The following LARGE1 variants were observed in gnomAD, a reference collection of about 807,000 sequenced individuals.
The protein encoded by LARGE1 is xylosyl- and glucuronyltransferase LARGE1.
A neutral mutation model predicts 87.6 loss-of-function variants in LARGE1; 43 were observed. That is an observed-to-expected ratio of 0.49 (90% CI 0.38 to 0.63). LARGE1 has a LOEUF of 0.63. LARGE1 is among the 30% of genes least tolerant of loss of function. The probability of loss-of-function intolerance (pLI) is 0.00; values close to 1 mark genes in which losing one functional copy is unlikely to be tolerated. For synonymous variants in LARGE1, 434 were observed against 394.6 expected (o/e 1.10, Z -1.18); for missense variants, 802 against 1,000.2 (o/e 0.80, Z 2.67).
chr22:33,731,367 C>T (rs2083462795), intron 2 of LARGE1, among the ~76,000 whole-genome samples: 1 of 152,136 alleles, frequency 6.6e-6, no homozygotes, highest in South Asian at 2.1e-4. Flanking sequence ...TGGGGCAAAA[C>T]TTGGATATCT....
At chr22:33,386,236 T>C (rs2065319287) in intron 7 of LARGE1, among the ~76,000 whole-genome samples, 2 of 148,828 alleles carry the variant, frequency 1.3e-5, no homozygotes, top group African/African-American at 2.4e-5. Flanking sequence ...GTGAGGAAAC[T>C]GAGGGGCTAA....
the LARGE1 span, among the ~76,000 whole-genome samples, chr22:33,134,382 C>T: frequency 6.6e-6 from 1 of 151,902 alleles, no homozygotes; most frequent in Admixed American, 6.6e-5. Context: ...CCTCAGCCTC[C>T]CGAGTAGCTG....
chr22:33,416,876 G>A (rs138584487), intron 7 of LARGE1, among the ~76,000 whole-genome samples: 36 of 150,396 alleles, frequency 2.4e-4, no homozygotes, highest in Middle Eastern at 7.0e-3. Context: ...CAAAGTGCTG[G>A]GATTACAGGT....
At chr22:33,684,437 G>A (rs1569369493) in intron 2 of LARGE1, among the ~76,000 whole-genome samples, 1 of 151,736 alleles carries the variant, frequency 6.6e-6, no homozygotes, top group Non-Finnish European at 1.5e-5. Context: ...GAAACAAGAC[G>A]GATAGAAGAG....
At chr22:33,506,057 C>CA (rs1378723139) in intron 6 of LARGE1, among the ~76,000 whole-genome samples, 1 of 152,094 alleles carries the variant, frequency 6.6e-6, no homozygotes, top group African/African-American at 2.4e-5. Flanking sequence ...TTAGGGGACT[C>CA]ACAGCCATGA....
At chr22:33,089,391 T>C in the LARGE1 span, among the ~76,000 whole-genome samples, 956 of 136,334 alleles carry the variant, frequency 7.0e-3, 12 homozygotes, top group Middle Eastern at 0.026. Context: ...CTTCTTCCTC[T>C]TCTTCTTCTT....
chr22:33,615,403 T>A (rs1171891999), intron 4 of LARGE1, among the ~76,000 whole-genome samples: 1 of 152,100 alleles, frequency 6.6e-6, no homozygotes, highest in East Asian at 1.9e-4. Flanking sequence ...CAGGAGCAAA[T>A]CTTTTAACAT....
intron 6 of LARGE1, among the ~76,000 whole-genome samples, chr22:33,511,418 A>AG (rs1304933681): frequency 2.0e-5 from 3 of 152,136 alleles, no homozygotes; most frequent in Non-Finnish European, 2.9e-5. Context: ...ACTCAGAGTG[A>AG]GGGGGGATTC....
chr22:33,099,782 G>GT, the LARGE1 span, among the ~76,000 whole-genome samples: 1 of 152,184 alleles, frequency 6.6e-6, no homozygotes, highest in Non-Finnish European at 1.5e-5. Context: ...GCACATAGGT[G>GT]TACCAGGCAG....
intron 3 of LARGE1, among the ~76,000 whole-genome samples, chr22:33,644,977 AC>A (rs1157015288): frequency 2.6e-5 from 4 of 152,216 alleles, no homozygotes; most frequent in African/African-American, 9.6e-5. Context: ...AAGTGGCCAT[AC>A]TGCCCGAAGT....
intron 11 of LARGE1, among the ~76,000 whole-genome samples, chr22:33,217,325 C>T (rs1164972881): frequency 6.6e-6 from 1 of 151,886 alleles, no homozygotes; most frequent in African/African-American, 2.4e-5. Flanking sequence ...TATTCATTCT[C>T]AGGTCCTTAC....
chr22:33,098,471 A>G, the LARGE1 span, among the ~76,000 whole-genome samples: 469 of 152,114 alleles, frequency 3.1e-3, 10 homozygotes, highest in Admixed American at 0.026. Flanking sequence ...TACAAAAAAA[A>G]TTAGCGGGGT....
chr22:33,697,624 C>T (rs2149358766), intron 2 of LARGE1, among the ~76,000 whole-genome samples: 1 of 144,482 alleles, frequency 6.9e-6, no homozygotes, highest in Admixed American at 7.0e-5. Flanking sequence ...TGTAACTGAA[C>T]TCTAATGGTT....
chr22:33,267,796 G>C (rs369958961), downstream of LARGE1, among the ~76,000 whole-genome samples: 3 of 151,640 alleles, frequency 2.0e-5, no homozygotes, highest in Admixed American at 6.5e-5. Context: ...AGATGTTTCT[G>C]ATCTTCTCAA....
intron 6 of LARGE1, among the ~76,000 whole-genome samples, chr22:33,437,049 T>C (rs1429973968): frequency 6.6e-6 from 1 of 152,160 alleles, no homozygotes. Context: ...ATTCCCTCAC[T>C]CCACAATATT....
intron 7 of LARGE1, among the ~76,000 whole-genome samples, chr22:33,400,842 G>C (rs2065905368): frequency 6.6e-6 from 1 of 152,204 alleles, no homozygotes; most frequent in Admixed American, 6.5e-5. Context: ...AGAGGTCACA[G>C]GTGTCTTCTC....
intron 6 of LARGE1, among the ~76,000 whole-genome samples, chr22:33,462,098 T>C (rs933123325): frequency 6.6e-6 from 1 of 152,166 alleles, no homozygotes; most frequent in Non-Finnish European, 1.5e-5. Flanking sequence ...ATTATACAAT[T>C]TTATGATAAA....
At chr22:33,476,314 C>T (rs1435476589) in intron 6 of LARGE1, among the ~76,000 whole-genome samples, 1 of 152,226 alleles carries the variant, frequency 6.6e-6, no homozygotes, top group Non-Finnish European at 1.5e-5. Context: ...TTCTCCACCA[C>T]TCTTCTCACT....
At chr22:33,279,416 G>C (rs115497202) in intron 13 of LARGE1, among the ~76,000 whole-genome samples, 75 of 152,262 alleles carry the variant, frequency 4.9e-4, no homozygotes, top group Non-Finnish European at 7.8e-4. Flanking sequence ...TGAGTGTTCC[G>C]TGTGGCCAAT....
Sources: gnomAD v4.1 joint callset for allele counts (sites outside exome capture counted in the v4.1 genomes callset) on GRCh38, gnomAD v4.1.1 for gene constraint, MANE v1.5 for transcripts, NCBI Gene and HGNC (gene_info 2026-07-23, HGNC 2026-07-21) for gene names.